The following PSD3 variants were observed in gnomAD, a reference collection of about 807,000 sequenced individuals.
PSD3 encodes the protein pleckstrin and Sec7 domain containing 3, also known as PH and SEC7 domain-containing protein 3.
A neutral mutation model predicts 105.5 loss-of-function variants in PSD3; 49 were observed. That is an observed-to-expected ratio of 0.46 (90% CI 0.37 to 0.59). The LOEUF (loss-of-function observed/expected upper bound fraction) is 0.59. Ranked by LOEUF, PSD3 falls within the 20% of genes least tolerant of loss-of-function variation. PSD3 has a pLI of 0.00. For synonymous variants in PSD3, 557 were observed against 457.8 expected, an observed-to-expected ratio of 1.22 and a Z score of -2.77; for missense variants, 1,561 against 1,263.8, an observed-to-expected ratio of 1.24 and a Z score of -3.57.
chr8:18,829,721 C>A (rs925487060), intron 4 of PSD3, among the ~76,000 whole-genome samples: 3 of 152,060 alleles, frequency 2.0e-5, no homozygotes, highest in South Asian at 2.1e-4. Flanking sequence ...AATCTCGTAG[C>A]ACTGTTGTTA....
intron 1 of PSD3, among the ~76,000 whole-genome samples, chr8:19,073,998 G>C (rs1215308481): frequency 6.6e-6 from 1 of 151,956 alleles, no homozygotes; most frequent in East Asian, 1.9e-4. Flanking sequence ...CACCGTGTTA[G>C]CCAGGATGGT....
Position 18,556,847 on chromosome 8 carries a change from C to G in PSD3, c.2785-495G>C, listed in dbSNP as rs141231159. ...GCAGAGCTACGAAGAAAAATTTCTT[C>G]TCTGAAGCTTACCAGATGATATTCT... is the stretch of plus-strand genomic sequence containing the variant. On this transcript the variant is annotated intron_variant, in intron 14 of 15. Coordinates refer to ENST00000327040, the MANE Select transcript of PSD3 (RefSeq NM_015310.4). 5.6e-3 allele frequency among the ~76,000 whole-genome samples: 854 copies of G among 152,304 alleles called. 10 individuals carry two copies. Among genetic ancestry groups the G allele is most frequent in the African/African-American group, 0.02 (830 of 41,564 alleles).
chr8:18,629,005 A>G (rs1299117230), intron 11 of PSD3, among the ~76,000 whole-genome samples: 1 of 151,934 alleles, frequency 6.6e-6, no homozygotes, highest in Non-Finnish European at 1.5e-5. Flanking sequence ...AGATACTGTG[A>G]TTTACAATAA....
chr8:18,931,736 C>T (rs945380144), intron 2 of PSD3, among the ~76,000 whole-genome samples: 7 of 152,228 alleles, frequency 4.6e-5, no homozygotes, highest in African/African-American at 1.7e-4. Flanking sequence ...CGTTAGTCAT[C>T]AGGTACCTTC....
intron 9 of PSD3, among the ~76,000 whole-genome samples, chr8:18,692,123 A>G (rs1429069315): frequency 6.6e-6 from 1 of 152,216 alleles, no homozygotes; most frequent in Non-Finnish European, 1.5e-5. Context: ...TGTAAGCTCT[A>G]TAGTGCAAAA....
At chr8:18,916,965 C>T (rs1157629787) in intron 2 of PSD3, among the ~76,000 whole-genome samples, 2 of 152,090 alleles carry the variant, frequency 1.3e-5, no homozygotes, top group African/African-American at 4.8e-5. Flanking sequence ...CTAGCCCAGA[C>T]CTGATACCCA....
intron 9 of PSD3, among the ~76,000 whole-genome samples, chr8:18,713,973 A>C (rs1585704411): frequency 6.6e-6 from 1 of 152,144 alleles, no homozygotes; most frequent in Non-Finnish European, 1.5e-5. Context: ...CAGAAATAAG[A>C]CTACACATTT....
intron 1 of PSD3, among the ~76,000 whole-genome samples, chr8:19,063,471 G>A (rs1463995123): frequency 6.6e-6 from 1 of 152,148 alleles, no homozygotes; most frequent in African/African-American, 2.4e-5. Context: ...GATTTCCTTA[G>A]CGCCTATCAC....
In PSD3 at chr8:19,028,283, C is replaced by CG. The variant is rs1463457192; in HGVS notation, c.324+55922_324+55923insC. Among the ~76,000 whole-genome samples, 5 of 96,866 alleles carry CG rather than the reference C, an allele frequency of 5.2e-5. 1 individual carries two copies. In the East Asian group the frequency reaches 1.3e-3, roughly 26 times the overall value. 63.5% of individuals were successfully genotyped at this position (96,866 alleles called of 152,430 possible). Reference sequence around the variant, plus strand: ...CTTTTGCCACCTCTCACACCACCCCCCCCCCCCGGCCCACCCTTTTTTTTT... The same window carrying CG: ...CTTTTGCCACCTCTCACACCACCCCCGCCCCCCCGGCCCACCCTTTTTTTTT... On this transcript the variant is annotated intron_variant, in intron 1 of 1. Coordinates refer to the PSD3 transcript ENST00000521475.
At chr8:18,791,760 A>G (rs1395896597) in intron 8 of PSD3, among the ~76,000 whole-genome samples, 2 of 152,248 alleles carry the variant, frequency 1.3e-5, no homozygotes, top group Admixed American at 6.5e-5. Context: ...GCTTCTGCAG[A>G]GCAAAAGAAA....
chr8:19,077,743 G>T (rs924208178), intron 1 of PSD3, among the ~76,000 whole-genome samples: 2 of 152,176 alleles, frequency 1.3e-5, no homozygotes, highest in Admixed American at 1.3e-4. Context: ...ATCATTGCGT[G>T]ATGTGATTTA....
At chr8:18,850,944 T>C (rs1057311369) in intron 4 of PSD3, among the ~76,000 whole-genome samples, 6 of 152,140 alleles carry the variant, frequency 3.9e-5, no homozygotes, top group Non-Finnish European at 7.3e-5. Context: ...CAGGTTCTTA[T>C]GCATACCAGG....
At chr8:19,034,693 A>G (rs2048089) in intron 1 of PSD3, among the ~76,000 whole-genome samples, 108,246 of 151,984 alleles carry the variant, frequency 0.71, 39,269 homozygotes, top group African/African-American at 0.85. Context: ...CAGAAGGGAC[A>G]GAGTCTGGAT....
rs981234600 is a variant in PSD3, at chr8:18,530,886, A to G, written c.*4857T>C. 3.3e-5 allele frequency: 5 copies of G among 152,182 alleles called. No homozygotes were observed. The highest frequency in any genetic ancestry group is 9.6e-5 in the African/African-American group (4 of 41,452). 9.4% of individuals were successfully genotyped at this position (152,182 alleles called of 1,614,324 possible). A position where few individuals can be genotyped will look rare whatever the true frequency, so the allele number is the denominator to read the frequency against. The stretch of plus-strand genomic sequence containing the variant: ...AAAATATTATTTGAGTTTAAGTTTA[A>G]TAAAACAATACCACTATATATACTC... On this transcript the variant is annotated 3_prime_UTR_variant, in exon 16 of 16. Coordinates refer to ENST00000327040, the MANE Select transcript of PSD3 (RefSeq NM_015310.4).
rs543347872 is a variant in PSD3, at chr8:18,769,351, GTTA to G, written c.2083-3816_2083-3814del. 2.8e-3 allele frequency among the ~76,000 whole-genome samples: 420 copies of G among 152,150 alleles called. 2 individuals carry two copies. Among genetic ancestry groups the G allele is most frequent in the Non-Finnish European group, 2.9e-3 (200 of 67,974 alleles). On this transcript the variant is annotated intron_variant, in intron 8 of 15. Coordinates refer to ENST00000327040, the MANE Select transcript of PSD3 (RefSeq NM_015310.4). The stretch of plus-strand genomic sequence containing the variant: ...TAACATTATCTGCTTTAAATAAATT[GTTA>G]TTAATAAACTTCTTTGTAAAAGTAC...
intron 14 of PSD3, among the ~76,000 whole-genome samples, chr8:18,561,676 T>C (rs1350877411): frequency 2.0e-5 from 3 of 152,246 alleles, no homozygotes; most frequent in East Asian, 1.9e-4. Context: ...AATTATTATA[T>C]GGTCAATTAA....
At chr8:18,714,069 G>T (rs937148812) in intron 9 of PSD3, among the ~76,000 whole-genome samples, 6 of 152,152 alleles carry the variant, frequency 3.9e-5, no homozygotes, top group African/African-American at 9.7e-5. Flanking sequence ...GTGAAAACTG[G>T]CTAGCCATAT....
intron 4 of PSD3, among the ~76,000 whole-genome samples, chr8:18,821,538 G>A (rs942430894): frequency 1.3e-5 from 2 of 152,032 alleles, no homozygotes; most frequent in Non-Finnish European, 2.9e-5. Context: ...ACAAGCTCTT[G>A]AGTTTTTCCT....
chr8:18,979,024 T>G (rs1428531314), intron 1 of PSD3, among the ~76,000 whole-genome samples: 1 of 152,198 alleles, frequency 6.6e-6, no homozygotes, highest in Non-Finnish European at 1.5e-5. Context: ...ATGACCTCAC[T>G]ATAATCCCTT....
Sources: gnomAD v4.1 joint callset for allele counts (sites outside exome capture counted in the v4.1 genomes callset) on GRCh38, gnomAD v4.1.1 for gene constraint, MANE v1.5 for transcripts, NCBI Gene and HGNC (gene_info 2026-07-23, HGNC 2026-07-21) for gene names.